PRKG1: variants seen among roughly 807,000 people sequenced by gnomAD.
PRKG1 encodes cGMP-dependent protein kinase 1.
A neutral mutation model predicts 88.1 loss-of-function variants in PRKG1; 35 were observed. That is an observed-to-expected ratio of 0.40 (90% confidence interval 0.30 to 0.53). PRKG1 has a LOEUF of 0.53. PRKG1 is among the 20% of genes least tolerant of loss of function. PRKG1 has a pLI of 0.59. For synonymous variants in PRKG1, 303 were observed against 292.5 expected (o/e 1.04, Z -0.37); for missense variants, 540 against 839.8 (o/e 0.64, Z 4.41).
At chr10:51,276,236 T>A (rs940297722) in intron 2 of PRKG1, among the ~76,000 whole-genome samples, 2 of 152,146 alleles carry the variant, frequency 1.3e-5, no homozygotes, top group Non-Finnish European at 2.9e-5. Flanking sequence ...GTCCTTGTGA[T>A]AGTTTGCTGA....
chr10:52,213,303 A>G (rs1008704973), intron 9 of PRKG1, among the ~76,000 whole-genome samples: 1 of 152,222 alleles, frequency 6.6e-6, no homozygotes, highest in African/African-American at 2.4e-5. Flanking sequence ...AAATCAGGAA[A>G]CATCTCACCT....
intron 2 of PRKG1, among the ~76,000 whole-genome samples, chr10:51,426,503 A>G (rs1838589986): frequency 2.0e-5 from 3 of 152,190 alleles, no homozygotes; most frequent in Admixed American, 6.5e-5. Context: ...CTATGGTGAT[A>G]GACATGTAGA....
chr10:51,575,934 A>G (rs1032340678), intron 3 of PRKG1, among the ~76,000 whole-genome samples: 1 of 151,996 alleles, frequency 6.6e-6, no homozygotes, highest in Admixed American at 6.6e-5. Context: ...TTAAAGATAG[A>G]TTATATACAA....
chr10:51,506,134 C>T (rs1163288861), intron 3 of PRKG1, among the ~76,000 whole-genome samples: 2 of 152,098 alleles, frequency 1.3e-5, no homozygotes, highest in Admixed American at 1.3e-4. Flanking sequence ...CCCTTCCTTA[C>T]ACCTTATACA....
chr10:51,717,278 A>AT (rs1841909267), intron 3 of PRKG1, among the ~76,000 whole-genome samples: 1 of 152,188 alleles, frequency 6.6e-6, no homozygotes, highest in African/African-American at 2.4e-5. Flanking sequence ...CTGTGTAGAC[A>AT]TGAGCTCTGA....
chr10:51,073,785 G>C (rs962719263), upstream of PRKG1, among the ~76,000 whole-genome samples: 2 of 152,112 alleles, frequency 1.3e-5, no homozygotes, highest in African/African-American at 4.8e-5. Context: ...TTCCTCGCGG[G>C]CGCCGACTCG....
At chr10:51,740,326 G>C (rs1837400303) in intron 3 of PRKG1, among the ~76,000 whole-genome samples, 1 of 152,270 alleles carries the variant, frequency 6.6e-6, no homozygotes, top group African/African-American at 2.4e-5. Context: ...ATAGCAACTG[G>C]CCCCCACACA....
At chr10:52,037,079 C>A (rs1238952682) in intron 5 of PRKG1, among the ~76,000 whole-genome samples, 2 of 152,264 alleles carry the variant, frequency 1.3e-5, no homozygotes, top group East Asian at 1.9e-4. Flanking sequence ...CAGCCTTGGG[C>A]CAGAGTTCCA....
intron 3 of PRKG1, among the ~76,000 whole-genome samples, chr10:51,723,682 A>T (rs1251966991): frequency 6.6e-6 from 1 of 152,180 alleles, no homozygotes; most frequent in African/African-American, 2.4e-5. Flanking sequence ...AAACACCAAC[A>T]TTCTGAATGC....
intron 2 of PRKG1, among the ~76,000 whole-genome samples, chr10:51,343,539 A>G (rs894965630): frequency 7.9e-5 from 12 of 152,178 alleles, no homozygotes; most frequent in Admixed American, 7.2e-4. Context: ...TGGTATAAAA[A>G]GCATATTTAA....
chr10:51,293,221 C>T (rs2132225573), intron 2 of PRKG1, among the ~76,000 whole-genome samples: 1 of 152,028 alleles, frequency 6.6e-6, no homozygotes, highest in Non-Finnish European at 1.5e-5. Context: ...GTATCAAGAA[C>T]ACTTTAATTC....
At chr10:51,438,554 A>T (rs994603928) in intron 2 of PRKG1, among the ~76,000 whole-genome samples, 1 of 151,860 alleles carries the variant, frequency 6.6e-6, no homozygotes, top group South Asian at 2.1e-4. Context: ...TCCTTTTCTC[A>T]TGATGAAACC....
intron 9 of PRKG1, among the ~76,000 whole-genome samples, chr10:52,217,096 T>A (rs1481006050): frequency 2.0e-5 from 3 of 152,098 alleles, no homozygotes; most frequent in African/African-American, 2.4e-5. Flanking sequence ...AAACCACAGG[T>A]CATGGAAGGG....
chr10:52,101,206 T>C (rs1170230043), intron 7 of PRKG1, among the ~76,000 whole-genome samples: 3 of 152,210 alleles, frequency 2.0e-5, no homozygotes, highest in Non-Finnish European at 4.4e-5. Context: ...AACTCCTGTC[T>C]TATTATGACA....
chr10:52,104,064 GAATT>G (rs1361666395), intron 7 of PRKG1, among the ~76,000 whole-genome samples: 1 of 148,420 alleles, frequency 6.7e-6, no homozygotes, highest in African/African-American at 2.5e-5. Context: ...TTTTAGCTTA[GAATT>G]AATTACATTT....
chr10:51,991,202 A>G (rs1205038955), intron 5 of PRKG1, among the ~76,000 whole-genome samples: 2 of 151,954 alleles, frequency 1.3e-5, no homozygotes, highest in Admixed American at 1.3e-4. Context: ...AACTTTACTG[A>G]GTTTGTTTAT....
At chr10:51,542,121 G>A (rs982079099) in intron 3 of PRKG1, among the ~76,000 whole-genome samples, 3 of 152,026 alleles carry the variant, frequency 2.0e-5, no homozygotes, top group East Asian at 1.9e-4. Context: ...CTGACCTACC[G>A]AGAGAATCAT....
intron 2 of PRKG1, among the ~76,000 whole-genome samples, chr10:51,234,429 AT>A (rs940276288): frequency 2.0e-5 from 3 of 152,016 alleles, no homozygotes; most frequent in East Asian, 1.9e-4. Context: ...CTCCCTACAA[AT>A]TTTTTTTAGA....
At chr10:52,089,689 T>C (rs74135137) in intron 7 of PRKG1, among the ~76,000 whole-genome samples, 1,630 of 151,908 alleles carry the variant, frequency 0.011, 34 homozygotes, top group African/African-American at 0.036. Flanking sequence ...TATATTTATA[T>C]ACATGGGTTA....
Sources: gnomAD v4.1 joint callset for allele counts (sites outside exome capture counted in the v4.1 genomes callset) on GRCh38, gnomAD v4.1.1 for gene constraint, MANE v1.5 for transcripts, NCBI Gene and HGNC (gene_info 2026-07-23, HGNC 2026-07-21) for gene names.